The following SCP2 variants were observed in gnomAD, a reference collection of about 807,000 sequenced individuals.
The protein encoded by SCP2 is SCP-2/3-oxoacyl-CoA thiolase.
A neutral mutation model predicts 71.4 loss-of-function variants in SCP2; 48 were observed. The ratio of observed to expected loss-of-function variants is 0.67; its 90% CI spans 0.53 to 0.86. The LOEUF (loss-of-function observed/expected upper bound fraction) is 0.86, where lower values mean the gene tolerates loss of function less well. SCP2 is among the 40% of genes least tolerant of loss of function. The pLI, the probability that SCP2 is intolerant of heterozygous loss-of-function variation, is 0.00. For missense variants in SCP2, 560 were observed against 655.6 expected (o/e 0.85, Z 1.59); for synonymous variants, 220 against 218.1 (o/e 1.01, Z -0.08).
intron 4 of SCP2, 109 bp downstream of exon 4, chr1:52,950,995 A>G (rs951715247): frequency 1.5e-6 from 2 of 1,304,904 alleles, no homozygotes; most frequent in Admixed American, 1.7e-5. Context: ...AAAAGTCTTC[A>G]TCAGGCCGGG....
Position 52,990,592 on chromosome 1 carries a change from G to A in SCP2, c.1081+2456G>A, listed in dbSNP as rs191318066. ...TACTAAAAATACAAAAAGTTAGCCA[G>A]GCGTGGTGGCGGGCGCCTGCAGTCC... On this transcript the variant is annotated intron_variant, in intron 11 of 15. Coordinates refer to ENST00000371514, the MANE Select transcript of SCP2 (RefSeq NM_002979.5). 3.7e-3 allele frequency among the ~76,000 whole-genome samples: 563 copies of A among 152,040 alleles called. 10 individuals are homozygous for A. The highest frequency in any genetic ancestry group is 0.013 in the African/African-American group (544 of 41,512).
rs144647557 is a variant in SCP2 at position 52,948,017 on chromosome 1, G to A, written c.136G>A (p.Ala46Thr). ...ACCTTTCGTTTTTATAGGCAAGAAG[G>A]CTTTAGCTGATGCACAGATCCCTTA... ...PDLAEEAGKK[A>T]LADAQIPYSA... Residue 46 changes from alanine (A) to threonine (T), a missense_variant, in exon 3 of 16, where the codon GCT (alanine) becomes ACT (threonine). Ala to Thr is a moderately conservative substitution (Grantham distance 58). Around this residue, in one of 3 missense-constraint regions of SCP2, gnomAD observed 513 missense variants for 573.1 expected, o/e 0.90. Transcript: ENST00000371514. The A allele has an allele frequency of 4.4e-5, 71 of 1,611,562 alleles. No individual in the cohort carries two copies. The highest frequency in any genetic ancestry group is 5.7e-5 in the Non-Finnish European group (67 of 1,177,928).
intron 2 of SCP2, 117 bp downstream of exon 2, chr1:52,941,970 C>T (rs1654293035): frequency 4.2e-5 from 31 of 733,316 alleles, no homozygotes. Context: ...GGAGAAGAAC[C>T]CGTACAGAGA....
chr1:52,982,305 T>C (rs1172460187), intron 10 of SCP2, among the ~76,000 whole-genome samples: 2 of 152,186 alleles, frequency 1.3e-5, no homozygotes, highest in Non-Finnish European at 2.9e-5. Flanking sequence ...GCGCGGTGGC[T>C]CAGGCCTATA....
intron 6 of SCP2, 52 bp from the exon 7 acceptor site, chr1:52,974,717 A>T: frequency 1.1e-6 from 1 of 880,152 alleles, no homozygotes; most frequent in Non-Finnish European, 2.0e-6. Context: ...AGATTTGTTA[A>T]TAAGCAGCGG....
At chr1:53,010,187 A>G (rs1660891985) in intron 11 of SCP2, among the ~76,000 whole-genome samples, 1 of 152,244 alleles carries the variant, frequency 6.6e-6, no homozygotes, top group Admixed American at 6.5e-5. Flanking sequence ...GTGGGACTGT[A>G]AACTAGTTCA....
intron 11 of SCP2, among the ~76,000 whole-genome samples, chr1:52,989,300 A>G (rs1659265358): frequency 6.6e-6 from 1 of 152,220 alleles, no homozygotes; most frequent in African/African-American, 2.4e-5. Flanking sequence ...TCTGGCAAAA[A>G]TTGTCAAGAT....
chr1:52,979,980 T>C (rs1658337177), intron 9 of SCP2, among the ~76,000 whole-genome samples: 1 of 151,744 alleles, frequency 6.6e-6, no homozygotes, highest in Non-Finnish European at 1.5e-5. Context: ...CTTCTTTTTT[T>C]GTTTCTTTTT....
intron 12 of SCP2, 52 bp downstream of exon 12, chr1:53,015,095 A>G (rs774790515): frequency 1.3e-6 from 2 of 1,538,480 alleles, no homozygotes; most frequent in Non-Finnish European, 1.8e-6. Flanking sequence ...GACTTTTCAC[A>G]GTTGATGATG....
At chr1:52,976,596 A>G (rs1657991872) in intron 7 of SCP2, 87 bp from the exon 8 acceptor site, 1 of 776,878 alleles carries the variant, frequency 1.3e-6, no homozygotes, top group South Asian at 1.4e-5. Flanking sequence ...TGAAAATAAT[A>G]TTTACATATT....
At chr1:53,027,260 G>C (rs1395637771) in intron 12 of SCP2, among the ~76,000 whole-genome samples, 2 of 152,020 alleles carry the variant, frequency 1.3e-5, no homozygotes, top group Admixed American at 6.5e-5. Flanking sequence ...TCAACATGTT[G>C]CCCAGGCTGG....
At chr1:52,933,959 A>G (rs1653411762) in intron 1 of SCP2, among the ~76,000 whole-genome samples, 1 of 152,254 alleles carries the variant, frequency 6.6e-6, no homozygotes, top group East Asian at 1.9e-4. Flanking sequence ...TTTGTCATGC[A>G]CTTATGCATT....
intron 4 of SCP2, among the ~76,000 whole-genome samples, chr1:52,953,141 C>T (rs541304023): frequency 6.7e-6 from 1 of 150,002 alleles, no homozygotes; most frequent in East Asian, 1.9e-4. Flanking sequence ...TTTTAGGGGC[C>T]CCCCTCTCTC....
chr1:52,967,842 T>A lies in SCP2; in HGVS notation c.523+6213T>A, dbSNP rs112696580. Among the ~76,000 whole-genome samples the A allele has an allele frequency of 6.2e-3, 943 of 152,264 alleles. 9 individuals are homozygous for A. The highest frequency in any genetic ancestry group is 0.022 in the African/African-American group (911 of 41,538). On this transcript the variant is annotated intron_variant, in intron 6 of 15. Transcript: ENST00000371514. The stretch of plus-strand genomic sequence containing the variant: ...TCTTTGTACAACAGGTTTCCGATGT[T>A]CCTATAGATAATCACAAGGAACACT...
intron 11 of SCP2, chr1:52,995,373 A>G (rs17366570): frequency 0.014 from 6,554 of 467,556 alleles, 86 homozygotes; most frequent in Middle Eastern, 0.026. Flanking sequence ...TGACCACACC[A>G]AACTATGGGG....
chr1:52,966,623 C>T (rs763870503), intron 6 of SCP2, among the ~76,000 whole-genome samples: 11 of 151,748 alleles, frequency 7.2e-5, no homozygotes, highest in Non-Finnish European at 1.6e-4. Context: ...TGGTGGCTTA[C>T]GCCTGTAATC....
intron 6 of SCP2, among the ~76,000 whole-genome samples, chr1:52,972,992 T>C (rs554296028): frequency 3.5e-4 from 53 of 152,358 alleles, no homozygotes; most frequent in African/African-American, 1.3e-3. Flanking sequence ...TTAATTTATA[T>C]TCTGATCCAT....
Position 53,044,029 on chromosome 1 carries a change from AT to A in SCP2, c.1469-3828del, listed in dbSNP as rs570173535. Among the ~76,000 whole-genome samples, 357 of 152,130 alleles carry A rather than the reference AT, an allele frequency of 2.3e-3. 1 individual carries two copies. Among genetic ancestry groups the A allele is most frequent in the Middle Eastern group, 0.017 (5 of 294 alleles). Reference sequence around the variant, plus strand: ...TATCTTGTTTCAGTGATTTAATACTATAGGCATACTATGCTTTAACAGTTTA... The same window carrying A: ...TATCTTGTTTCAGTGATTTAATACTAAGGCATACTATGCTTTAACAGTTTA... On this transcript the variant is annotated intron_variant, in intron 14 of 15. Coordinates refer to ENST00000371514, the MANE Select transcript of SCP2 (RefSeq NM_002979.5).
chr1:52,998,796 C>T lies in SCP2; in HGVS notation c.1081+10660C>T, dbSNP rs116742347. 6.2e-3 allele frequency among the ~76,000 whole-genome samples: 951 copies of T among 152,238 alleles called. 15 individuals carry two copies. The highest frequency in any genetic ancestry group is 0.022 in the African/African-American group (914 of 41,562). The stretch of plus-strand genomic sequence containing the variant: ...GCAGAGTATGAGACTGCCTCTTTTC[C>T]TTCAGTCTTGTTAATATTGGATTTT... On this transcript the variant is annotated intron_variant, in intron 11 of 15. Coordinates refer to ENST00000371514, the MANE Select transcript of SCP2 (RefSeq NM_002979.5).
Sources: gnomAD v4.1 joint callset for allele counts (sites outside exome capture counted in the v4.1 genomes callset) on GRCh38, gnomAD v4.1.1 for gene constraint, gnomAD v4.1.1 regional missense constraint, MANE v1.5 for transcripts, NCBI Gene and HGNC (gene_info 2026-07-23, HGNC 2026-07-21) for gene names.